Variants in SP4 observed in about 807,000 individuals in gnomAD.
The protein encoded by SP4 is Sp4 transcription factor.
Under a neutral mutation model 72.8 loss-of-function variants are expected in SP4, and 19 were observed. That is an observed-to-expected ratio of 0.26 (90% CI 0.18 to 0.38). The LOEUF (loss-of-function observed/expected upper bound fraction) is 0.38. Among genes scored for constraint, SP4 ranks in the 10% least tolerant of loss-of-function variants. The probability of loss-of-function intolerance (pLI) is 1.00; values close to 1 mark genes in which losing one functional copy is unlikely to be tolerated. For missense variants in SP4, 1,008 were observed against 926.3 expected (o/e 1.09, Z -1.14); for synonymous variants, 395 against 333.1 (o/e 1.19, Z -2.02).
chr7:21,469,038 C>G (rs930708031), intron 3 of SP4, among the ~76,000 whole-genome samples: 1 of 151,926 alleles, frequency 6.6e-6, no homozygotes, highest in Non-Finnish European at 1.5e-5. Context: ...TAGGACTATC[C>G]CTTGGAAATA....
intron 5 of SP4, among the ~76,000 whole-genome samples, chr7:21,489,809 C>T (rs1421743370): frequency 1.3e-5 from 2 of 152,044 alleles, no homozygotes; most frequent in East Asian, 3.9e-4. Flanking sequence ...CCACCCGCCT[C>T]GGCCTCCCAA....
At chr7:21,488,371 A>G (rs1259536795) in intron 5 of SP4, among the ~76,000 whole-genome samples, 2 of 151,990 alleles carry the variant, frequency 1.3e-5, no homozygotes, top group South Asian at 2.1e-4. Flanking sequence ...TCTCCCTCCC[A>G]GCAGAAGACA....
intron 4 of SP4, among the ~76,000 whole-genome samples, chr7:21,478,086 A>G (rs1382903446): frequency 6.6e-6 from 1 of 152,154 alleles, no homozygotes; most frequent in African/African-American, 2.4e-5. Flanking sequence ...CTGTCTTTAT[A>G]GATTTGCCTT....
chr7:21,438,879 A>G (rs1783139160), intron 3 of SP4, among the ~76,000 whole-genome samples: 1 of 152,178 alleles, frequency 6.6e-6, no homozygotes, highest in South Asian at 2.1e-4. Flanking sequence ...AAGTATTTTT[A>G]CTTTACATAT....
rs182958181 is a variant in SP4 at position 21,475,276 on chromosome 7, G to A, written c.1679-1803G>A. On this transcript the variant is annotated intron_variant, in intron 3 of 5. Coordinates refer to ENST00000222584, the MANE Select transcript of SP4 (RefSeq NM_003112.5). The stretch of plus-strand genomic sequence containing the variant: ...ACTACAGGTGTGTGCTACCACACCT[G>A]GCTAATTTTTTGTATTTTTAATAGA... Among the ~76,000 whole-genome samples, 13 of 151,804 alleles carry A rather than the reference G, an allele frequency of 8.6e-5. 1 individual carries two copies. In the East Asian group the frequency reaches 2.5e-3, roughly 30 times the overall value.
intron 3 of SP4, among the ~76,000 whole-genome samples, chr7:21,469,837 C>T (rs1784277139): frequency 6.6e-6 from 1 of 152,000 alleles, no homozygotes; most frequent in Non-Finnish European, 1.5e-5. Context: ...CAGTCATGAG[C>T]CACCATGCTG....
chr7:21,478,832 G>A (rs1784592960), intron 4 of SP4, among the ~76,000 whole-genome samples: 1 of 152,122 alleles, frequency 6.6e-6, no homozygotes, highest in South Asian at 2.1e-4. Flanking sequence ...CACTTCGGGA[G>A]GCCAAGGCAG....
chr7:21,467,674 T>G (rs912782498), intron 3 of SP4, among the ~76,000 whole-genome samples: 4 of 152,180 alleles, frequency 2.6e-5, no homozygotes, highest in Non-Finnish European at 4.4e-5. Flanking sequence ...GAGACATATT[T>G]TTTGAGAGGA....
intron 3 of SP4, among the ~76,000 whole-genome samples, chr7:21,455,477 AAG>A (rs1783732874): frequency 6.6e-6 from 1 of 152,162 alleles, no homozygotes; most frequent in South Asian, 2.1e-4. Context: ...GAAAAAGAAA[AAG>A]AAAGCGTCCC....
At chr7:21,433,174 C>A (rs1782922528) in intron 3 of SP4, among the ~76,000 whole-genome samples, 1 of 152,172 alleles carries the variant, frequency 6.6e-6, no homozygotes, top group African/African-American at 2.4e-5. Context: ...GAGATGGCTA[C>A]TGTATGCTGA....
In SP4 at chr7:21,428,712, G is replaced by A; in HGVS notation, c.43G>A (p.Ala15Thr). The A allele has an allele frequency of 6.4e-7, 1 of 1,555,026 alleles. No individual in the cohort carries two copies. Among genetic ancestry groups the A allele is most frequent in the Non-Finnish European group, 8.7e-7 (1 of 1,148,908 alleles). The change falls in exon 2 of 6, where the codon GCA (alanine) becomes ACA (threonine). Residue 15 changes from alanine to threonine, a missense_variant. This residue lies in a region of SP4 where 893 missense variants were observed against 743.3 expected (regional missense o/e 1.20). Transcript: ENST00000222584. ...GGAGGAGGAGGAGGAGGCGGCAGCGGCAGCGGCGATGGCTACAGAAGGAGG... is the reference window on the plus strand; with the variant it reads ...GGAGGAGGAGGAGGAGGCGGCAGCGACAGCGGCGATGGCTACAGAAGGAGG... ...KKEEEEEAAA[A>T]AAMATEGGKT...
intron 5 of SP4, among the ~76,000 whole-genome samples, chr7:21,494,284 G>A (rs1785052603): frequency 6.6e-6 from 1 of 152,170 alleles, no homozygotes; most frequent in Non-Finnish European, 1.5e-5. Flanking sequence ...TTTCTACCCA[G>A]TGCAGTAAAG....
intron 3 of SP4, among the ~76,000 whole-genome samples, chr7:21,446,324 A>G (rs1783425799): frequency 6.6e-6 from 1 of 152,190 alleles, no homozygotes; most frequent in Non-Finnish European, 1.5e-5. Flanking sequence ...GCACTTTAAA[A>G]ATGATTCTTT....
intron 3 of SP4, among the ~76,000 whole-genome samples, chr7:21,443,615 G>C (rs1029715711): frequency 2.6e-5 from 4 of 152,166 alleles, no homozygotes; most frequent in African/African-American, 7.2e-5. Context: ...TTGCACAGGC[G>C]TATAGGAACG....
intron 3 of SP4, among the ~76,000 whole-genome samples, chr7:21,463,315 A>G (rs1430145133): frequency 3.3e-5 from 5 of 152,204 alleles, no homozygotes; most frequent in African/African-American, 9.7e-5. Flanking sequence ...GGAACAGCCA[A>G]TGAAGGGCTA....
At chr7:21,456,733 A>G (rs911698334) in intron 3 of SP4, among the ~76,000 whole-genome samples, 1 of 152,334 alleles carries the variant, frequency 6.6e-6, no homozygotes, top group East Asian at 1.9e-4. Context: ...AGGAAATCCT[A>G]GACAGCACAC....
At chr7:21,494,398 A>G (rs1583441893) in intron 5 of SP4, among the ~76,000 whole-genome samples, 1 of 148,140 alleles carries the variant, frequency 6.8e-6, no homozygotes, top group African/African-American at 2.4e-5. Flanking sequence ...GGTGCCTACC[A>G]AAAAGCTTTT....
chr7:21,495,973 C>T (rs1325391072), intron 5 of SP4, among the ~76,000 whole-genome samples: 2 of 152,032 alleles, frequency 1.3e-5, no homozygotes, highest in Non-Finnish European at 2.9e-5. Flanking sequence ...ATGCATTATG[C>T]TAAGTGAAAG....
chr7:21,507,490 G>A (rs928220821), intron 5 of SP4, among the ~76,000 whole-genome samples: 1 of 152,156 alleles, frequency 6.6e-6, no homozygotes, highest in African/African-American at 2.4e-5. Flanking sequence ...GGATGATAGG[G>A]TCCCAGGGCT....
Sources: gnomAD v4.1 joint callset for allele counts (sites outside exome capture counted in the v4.1 genomes callset) on GRCh38, gnomAD v4.1.1 for gene constraint, gnomAD v4.1.1 regional missense constraint, MANE v1.5 for transcripts, NCBI Gene and HGNC (gene_info 2026-07-23, HGNC 2026-07-21) for gene names.